PCDH15: variants seen among roughly 807,000 people sequenced by gnomAD.
PCDH15 encodes protocadherin-15.
In PCDH15, 129 loss-of-function variants were observed where a neutral mutation model predicts 178.5. That is an observed-to-expected ratio of 0.72 (90% CI 0.63 to 0.84). The LOEUF (loss-of-function observed/expected upper bound fraction) is 0.84, where lower values mean the gene tolerates loss of function less well. PCDH15 is among the 40% of genes least tolerant of loss of function. The pLI is 0.00. For missense variants in PCDH15, 2,230 were observed against 2,099.9 expected, an observed-to-expected ratio of 1.06 and a Z score of -1.21; for synonymous variants, 800 against 732.0, an observed-to-expected ratio of 1.09 and a Z score of -1.50.
intron 1 of PCDH15, among the ~76,000 whole-genome samples, chr10:54,772,201 AC>A (rs1176047580): frequency 4.6e-5 from 7 of 152,256 alleles, no homozygotes; most frequent in Admixed American, 3.3e-4. Context: ...TTAAATAGTT[AC>A]TTGTATTTTA....
intron 2 of PCDH15, among the ~76,000 whole-genome samples, chr10:55,446,631 A>G (rs1839323968): frequency 6.6e-6 from 1 of 152,128 alleles, no homozygotes; most frequent in African/African-American, 2.4e-5. Context: ...CGATGGTCTC[A>G]TCATGGGTGG....
intron 2 of PCDH15, among the ~76,000 whole-genome samples, chr10:54,990,932 T>C (rs1034310598): frequency 1.3e-5 from 2 of 151,332 alleles, no homozygotes; most frequent in East Asian, 1.9e-4. Context: ...CAAACTATTA[T>C]GGCAATTCAA....
At chr10:53,863,496 AAG>A (rs2079236551) in intron 27 of PCDH15, among the ~76,000 whole-genome samples, 3 of 152,236 alleles carry the variant, frequency 2.0e-5, no homozygotes, top group African/African-American at 7.2e-5. Flanking sequence ...AATAGTTTGG[AAG>A]AGTGTTTGGA....
chr10:55,445,390 C>T (rs1362451480), intron 2 of PCDH15, among the ~76,000 whole-genome samples: 2 of 152,070 alleles, frequency 1.3e-5, no homozygotes. Context: ...GAAGTGTGAA[C>T]CAGGTCTCAG....
intron 1 of PCDH15, among the ~76,000 whole-genome samples, chr10:54,736,419 A>C (rs948102909): frequency 3.3e-5 from 5 of 152,050 alleles, no homozygotes; most frequent in African/African-American, 1.2e-4. Flanking sequence ...CAACAAACGC[A>C]GCCCTCAGTA....
chr10:53,915,544 G>A (rs1479873672), intron 25 of PCDH15, among the ~76,000 whole-genome samples: 2 of 152,082 alleles, frequency 1.3e-5, no homozygotes, highest in Non-Finnish European at 2.9e-5. Flanking sequence ...TGTCACTACT[G>A]GCTCCAAAAT....
chr10:54,109,449 A>G (rs893093266), intron 15 of PCDH15, among the ~76,000 whole-genome samples: 1 of 152,216 alleles, frequency 6.6e-6, no homozygotes. Flanking sequence ...TGAATCTGTC[A>G]TGGTAAATTG....
chr10:53,999,538 C>T (rs906534173), intron 20 of PCDH15, among the ~76,000 whole-genome samples: 2 of 152,152 alleles, frequency 1.3e-5, no homozygotes, highest in African/African-American at 4.8e-5. Flanking sequence ...TAGGCATATT[C>T]ACCACAAGCT....
intron 1 of PCDH15, among the ~76,000 whole-genome samples, chr10:55,227,864 C>T (rs1240358946): frequency 2.0e-5 from 3 of 152,092 alleles, no homozygotes; most frequent in Non-Finnish European, 4.4e-5. Flanking sequence ...AATCAATCCT[C>T]ACCTTATACA....
intron 15 of PCDH15, among the ~76,000 whole-genome samples, chr10:54,111,997 G>A (rs2095033980): frequency 6.9e-6 from 1 of 144,162 alleles, no homozygotes. Context: ...ACAAAACTTA[G>A]CTTAGCGTGG....
intron 2 of PCDH15, among the ~76,000 whole-genome samples, chr10:55,079,628 C>A (rs1277415652): frequency 6.6e-6 from 1 of 152,154 alleles, no homozygotes; most frequent in Admixed American, 6.5e-5. Flanking sequence ...GCCAGGTGGG[C>A]AGGCAGGCTC....
intron 1 of PCDH15, among the ~76,000 whole-genome samples, chr10:55,269,035 G>T (rs564339327): frequency 6.6e-6 from 1 of 151,914 alleles, no homozygotes; most frequent in Non-Finnish European, 1.5e-5. Flanking sequence ...AGCAAAAACC[G>T]TATGATCACC....
At chr10:54,722,579 CAAA>C (rs34375725) in intron 1 of PCDH15, among the ~76,000 whole-genome samples, 12 of 131,694 alleles carry the variant, frequency 9.1e-5, no homozygotes, top group Non-Finnish European at 1.5e-4. Context: ...CAATTGGGAC[CAAA>C]AAAAAAAAAA....
intron 2 of PCDH15, among the ~76,000 whole-genome samples, chr10:54,647,035 C>A (rs2094144411): frequency 1.3e-5 from 2 of 152,064 alleles, no homozygotes; most frequent in Non-Finnish European, 2.9e-5. Context: ...AATATTAGCA[C>A]TACCATGTTA....
chr10:54,501,882 T>C (rs1335301722), intron 3 of PCDH15, among the ~76,000 whole-genome samples: 1 of 152,140 alleles, frequency 6.6e-6, no homozygotes, highest in Admixed American at 6.6e-5. Context: ...AAGAAAATAC[T>C]TGTATTTTCC....
rs1341509822 is a variant in PCDH15, at chr10:54,358,836, A to G, written c.474+10284T>C. 2.0e-5 allele frequency among the ~76,000 whole-genome samples: 3 copies of G among 151,960 alleles called. No individual in the cohort carries two copies. In the East Asian group the frequency reaches 5.8e-4, roughly 29 times the overall value. The stretch of plus-strand genomic sequence containing the variant: ...CCATGGAATACTATGCAGCCATAAA[A>G]AATGATGAGTTCATGTCCTTTGTAG... On this transcript the variant is annotated intron_variant, in intron 5 of 37. Transcript: ENST00000644397.
At chr10:54,149,877 T>C (rs2044349269) in intron 14 of PCDH15, among the ~76,000 whole-genome samples, 1 of 152,146 alleles carries the variant, frequency 6.6e-6, no homozygotes, top group Non-Finnish European at 1.5e-5. Context: ...GTTGTTGCTT[T>C]CTGAATACAT....
chr10:55,206,148 T>C (rs1840394893), intron 1 of PCDH15, among the ~76,000 whole-genome samples: 3 of 151,990 alleles, frequency 2.0e-5, no homozygotes. Context: ...TGACACATTA[T>C]ACAACCCTCC....
At chr10:54,578,782 C>A (rs556061022) in intron 2 of PCDH15, among the ~76,000 whole-genome samples, 1 of 152,166 alleles carries the variant, frequency 6.6e-6, no homozygotes, top group East Asian at 1.9e-4. Flanking sequence ...AAAGGGAACC[C>A]AATCAGGCTG....
Sources: allele counts gnomAD v4.1 joint callset (sites outside exome capture counted in the v4.1 genomes callset), GRCh38; gene constraint gnomAD v4.1.1; transcripts MANE v1.5; gene names NCBI Gene and HGNC (gene_info 2026-07-23, HGNC 2026-07-21).